Variants in PEBP4 observed in about 807,000 individuals in gnomAD.
PEBP4 encodes the protein phosphatidylethanolamine-binding protein 4.
PEBP4 carries 22 observed loss-of-function variants against 23.9 expected under a neutral mutation model. The ratio of observed to expected loss-of-function variants is 0.92; its 90% confidence interval spans 0.66 to 1.31. The LOEUF (loss-of-function observed/expected upper bound fraction) is 1.31, where lower values mean the gene tolerates loss of function less well. Ranked by LOEUF, PEBP4 falls within the 40% of genes most tolerant of loss-of-function variation. PEBP4 has a pLI of 0.00. For missense variants in PEBP4, 324 were observed against 281.7 expected, an observed-to-expected ratio of 1.15 and a Z score of -1.07; for synonymous variants, 112 against 99.3, an observed-to-expected ratio of 1.13 and a Z score of -0.76.
intron 4 of PEBP4, among the ~76,000 whole-genome samples, chr8:22,808,699 A>C (rs961326886): frequency 2.0e-5 from 3 of 152,182 alleles, no homozygotes; most frequent in African/African-American, 7.2e-5. Flanking sequence ...TCCCACAGCA[A>C]TTTGAGTCTA....
At chr8:22,891,617 T>C (rs1808496770) in intron 3 of PEBP4, among the ~76,000 whole-genome samples, 1 of 152,234 alleles carries the variant, frequency 6.6e-6, no homozygotes, top group Non-Finnish European at 1.5e-5. Flanking sequence ...TCCATTTATT[T>C]ATAGGGAAGT....
chr8:22,747,461 G>C (rs1369838838), intron 4 of PEBP4: 1 of 152,216 alleles, frequency 6.6e-6, no homozygotes, highest in Non-Finnish European at 1.5e-5. Flanking sequence ...GGTCTCTGTG[G>C]CCTCTTCAGT....
chr8:22,735,604 C>A (rs781103233), intron 4 of PEBP4, among the ~76,000 whole-genome samples: 1 of 152,204 alleles, frequency 6.6e-6, no homozygotes, highest in Non-Finnish European at 1.5e-5. Context: ...AACCTAAACC[C>A]TGGGTCCACA....
intron 4 of PEBP4, among the ~76,000 whole-genome samples, chr8:22,808,659 C>T (rs1806552029): frequency 6.6e-6 from 1 of 152,132 alleles, no homozygotes; most frequent in African/African-American, 2.4e-5. Flanking sequence ...GGAGGAGTTG[C>T]CTCACGGAGA....
At chr8:22,912,660 T>A (rs1808966949) in intron 3 of PEBP4, among the ~76,000 whole-genome samples, 2 of 152,204 alleles carry the variant, frequency 1.3e-5, no homozygotes, top group Non-Finnish European at 2.9e-5. Flanking sequence ...TCCTGTGAAG[T>A]CCTGCATAGG....
At chr8:22,840,900 T>G (rs1415203101) in intron 3 of PEBP4, among the ~76,000 whole-genome samples, 2 of 152,198 alleles carry the variant, frequency 1.3e-5, no homozygotes, top group African/African-American at 4.8e-5. Context: ...AATATATAAC[T>G]AATGGTACCA....
chr8:22,875,367 G>A lies in PEBP4; in HGVS notation c.258+44817C>T, dbSNP rs1428400153. Among the ~76,000 whole-genome samples, 4 of 151,996 alleles carry A rather than the reference G, an allele frequency of 2.6e-5. No individual in the cohort carries two copies. The East Asian group carries it at 7.7e-4, about 29-fold the overall frequency. ...GGTTCAGGGGTGCATGTGAAGGTTT[G>A]TTACATAGGTAAACTCGTGTCATGG... On this transcript the variant is annotated intron_variant, in intron 3 of 6. Transcript: ENST00000256404.
At chr8:22,722,044 G>A (rs71513899) in intron 6 of PEBP4, among the ~76,000 whole-genome samples, 12,064 of 152,086 alleles carry the variant, frequency 0.079, 532 homozygotes, top group Middle Eastern at 0.16. Context: ...CAGGTTCGTC[G>A]TCTCCAAAGA....
chr8:22,719,633 T>G (rs988090224), intron 6 of PEBP4, among the ~76,000 whole-genome samples: 6 of 152,208 alleles, frequency 3.9e-5, no homozygotes, highest in African/African-American at 1.4e-4. Context: ...CAAACAGCCC[T>G]TCCCTGGAAG....
At chr8:22,736,247 G>A (rs1369202349) in intron 4 of PEBP4, among the ~76,000 whole-genome samples, 2 of 152,112 alleles carry the variant, frequency 1.3e-5, no homozygotes, top group Admixed American at 1.3e-4. Flanking sequence ...TCCGGGGTGG[G>A]GTTAAGAAGA....
chr8:22,923,765 C>CA (rs1809260832), intron 2 of PEBP4, among the ~76,000 whole-genome samples: 1 of 152,166 alleles, frequency 6.6e-6, no homozygotes, highest in Non-Finnish European at 1.5e-5. Flanking sequence ...AAGGCACCCT[C>CA]ATAAGAGAGG....
Position 22,920,214 on chromosome 8 carries a change from C to T in PEBP4, c.228G>A (p.Glu76=). 1 of 1,613,306 alleles carries T rather than the reference C, an allele frequency of 6.2e-7. No homozygotes were observed. Among genetic ancestry groups the T allele is most frequent in the Non-Finnish European group, 8.5e-7 (1 of 1,179,414 alleles). The change falls in exon 3 of 7, where the codon GAG becomes GAA. Residue 76 remains glutamate (E), a synonymous_variant. Transcript: ENST00000256404. ...CGGCCCCCGGGAACTTGACTATCGG[C>T]TCCATCCAGGAGGTGATCTTCTGTC... ...NYRQKITSWM[E]PIVKFPGAVD...
rs375776470 is a variant in PEBP4 at position 22,739,874 on chromosome 8, A to G, written c.358-12654T>C. Among the ~76,000 whole-genome samples the G allele has an allele frequency of 1.5e-3, 234 of 152,144 alleles. 6 individuals are homozygous for G. The highest frequency in any genetic ancestry group is 5.3e-3 in the African/African-American group (222 of 41,510). On this transcript the variant is annotated intron_variant, in intron 4 of 6. Coordinates refer to ENST00000256404, the MANE Select transcript of PEBP4 (RefSeq NM_144962.3). ...ACCTATGAGATGAGGTGTCCTTGGG[A>G]ACCCAGGCCACAAAGGCTGGGCTGG...
chr8:22,796,640 A>G (rs151245190), intron 4 of PEBP4, among the ~76,000 whole-genome samples: 1 of 152,190 alleles, frequency 6.6e-6, no homozygotes, highest in Non-Finnish European at 1.5e-5. Flanking sequence ...TCAGCACCTA[A>G]GATGGTTAGA....
At chr8:22,859,228 T>G (rs1001309096) in intron 3 of PEBP4, among the ~76,000 whole-genome samples, 1 of 152,148 alleles carries the variant, frequency 6.6e-6, no homozygotes, top group Non-Finnish European at 1.5e-5. Flanking sequence ...ACTCCCCCCG[T>G]GGAGCCTGCA....
chr8:22,927,032 A>G (rs957001774), intron 2 of PEBP4, among the ~76,000 whole-genome samples: 24 of 152,122 alleles, frequency 1.6e-4, no homozygotes, highest in Admixed American at 1.4e-3. Flanking sequence ...CAGCTTACCC[A>G]AAGTAGAAGC....
At chr8:22,905,519 C>A (rs948959130) in intron 3 of PEBP4, among the ~76,000 whole-genome samples, 2 of 152,192 alleles carry the variant, frequency 1.3e-5, no homozygotes, top group Admixed American at 6.5e-5. Context: ...CCTTTTCTCT[C>A]CTGAGATCAG....
chr8:22,845,908 C>T (rs180931279), intron 3 of PEBP4, among the ~76,000 whole-genome samples: 4 of 152,234 alleles, frequency 2.6e-5, no homozygotes, highest in Non-Finnish European at 4.4e-5. Context: ...AAATGACTGG[C>T]GTGGTCAGCC....
chr8:22,818,016 G>T (rs556446503), intron 3 of PEBP4, among the ~76,000 whole-genome samples: 1 of 152,224 alleles, frequency 6.6e-6, no homozygotes, highest in African/African-American at 2.4e-5. Flanking sequence ...AGTTCTGAGC[G>T]CTGTGCTGAG....
Sources: gnomAD v4.1 joint callset for allele counts (sites outside exome capture counted in the v4.1 genomes callset) on GRCh38, gnomAD v4.1.1 for gene constraint, MANE v1.5 for transcripts, NCBI Gene and HGNC (gene_info 2026-07-23, HGNC 2026-07-21) for gene names.